Variants in PPP2R1A observed in about 807,000 individuals in gnomAD.
The protein encoded by PPP2R1A is serine/threonine-protein phosphatase 2A 65 kDa regulatory subunit A alpha isoform.
PPP2R1A carries 15 observed loss-of-function variants against 67.1 expected under a neutral mutation model. The ratio of observed to expected loss-of-function variants is 0.22; its 90% CI spans 0.15 to 0.34. PPP2R1A has a LOEUF of 0.34. Among genes scored for constraint, PPP2R1A ranks in the 10% least tolerant of loss-of-function variants. PPP2R1A has a pLI of 1.00. For synonymous variants in PPP2R1A, 337 were observed against 325.0 expected, an observed-to-expected ratio of 1.04 and a Z score of -0.40; for missense variants, 369 against 775.0, an observed-to-expected ratio of 0.48 and a Z score of 6.22.
chr19:52,198,317 T>C (rs1216796885), intron 1 of PPP2R1A, among the ~76,000 whole-genome samples: 1 of 152,154 alleles, frequency 6.6e-6, no homozygotes, highest in Non-Finnish European at 1.5e-5. Flanking sequence ...ACACTTTTAA[T>C]GAAACCAAAA....
chr19:52,213,097 A>G lies in PPP2R1A; in HGVS notation c.794A>G (p.Asp265Gly), dbSNP rs2122339046. 4 of 1,578,012 alleles carry G rather than the reference A, an allele frequency of 2.5e-6. No homozygotes were observed. The highest frequency in any genetic ancestry group is 3.4e-6 in the Non-Finnish European group (4 of 1,167,326). ...KSWRVRYMVA[D>G]KFTELQKAVG... is the part of the protein sequence containing the mutation. Reference sequence around the variant, plus strand: ...TGGCGCGTCCGCTACATGGTGGCTGACAAGTTCACAGAGGTAGATGAGCGA... The same window carrying G: ...TGGCGCGTCCGCTACATGGTGGCTGGCAAGTTCACAGAGGTAGATGAGCGA... The change falls in exon 6 of 15, where the codon GAC becomes GGC. Residue 265 changes from aspartate to glycine, a missense_variant. Coordinates refer to ENST00000322088, the MANE Select transcript of PPP2R1A (RefSeq NM_014225.6). The surrounding 1 kb of genome is among the most constrained non-coding windows in gnomAD (Gnocchi z 4.2).
At position 52,216,116 on chromosome 19, in the gene PPP2R1A, C is replaced by A; in HGVS notation, c.993+42C>A. On this transcript the variant is annotated intron_variant, in intron 8 of 14. Coordinates refer to ENST00000322088, the MANE Select transcript of PPP2R1A (RefSeq NM_014225.6). This position sits in a 1 kb window ranked among gnomAD's most constrained non-coding sequence, Gnocchi z 4.3. ...TGGGAGGAACCAAGTGGATCCGAGC[C>A]TGCCAAAAAGAGGGGCTGGAGACAA... 1 of 1,581,446 alleles carries A rather than the reference C, an allele frequency of 6.3e-7. No homozygotes were observed. Among genetic ancestry groups the A allele is most frequent in the Non-Finnish European group, 8.7e-7 (1 of 1,150,826 alleles).
At chr19:52,199,609 G>A (rs772702712) in intron 1 of PPP2R1A, among the ~76,000 whole-genome samples, 3 of 152,210 alleles carry the variant, frequency 2.0e-5, no homozygotes, top group Non-Finnish European at 4.4e-5. Flanking sequence ...ACACAGCTAT[G>A]CCTGTTTGCT....
Position 52,219,600 on chromosome 19 carries a change from C to G in PPP2R1A, c.1129-91C>G. On this transcript the variant is annotated intron_variant, in intron 9 of 14. Transcript: ENST00000322088. This position sits in a 1 kb window ranked among gnomAD's most constrained non-coding sequence, Gnocchi z 4.0. The stretch of plus-strand genomic sequence containing the variant: ...CAGGAGTAGTCCCTCGGGAGATGTC[C>G]ATAAAAGTTGATGCAGCTGAGCTCT... The G allele has an allele frequency of 7.4e-7, 1 of 1,353,904 alleles. No homozygotes were observed. The highest frequency in any genetic ancestry group is 1.0e-6 in the Non-Finnish European group (1 of 987,020). The allele number at this position is 1,353,904 out of a possible 1,614,324, so 83.9% of individuals were successfully genotyped here.
chr19:52,225,673 A>G, intron 13 of PPP2R1A, 44 bp from the exon 14 acceptor site: 1 of 1,584,300 alleles, frequency 6.3e-7, no homozygotes, highest in Non-Finnish European at 8.7e-7. Flanking sequence ...GCCCCAGTCC[A>G]TCCTGGCTCA....
At chr19:52,200,631 G>A (rs777033288) in intron 1 of PPP2R1A, among the ~76,000 whole-genome samples, 4 of 152,178 alleles carry the variant, frequency 2.6e-5, no homozygotes, top group Admixed American at 6.5e-5. Flanking sequence ...AGTTCTGGAG[G>A]CCGGAAGTCT....
At chr19:52,194,088 C>CAAAAAAAAAAA (rs915576804) in intron 1 of PPP2R1A, among the ~76,000 whole-genome samples, 109 of 60,296 alleles carry the variant, frequency 1.8e-3, no homozygotes, top group Non-Finnish European at 2.3e-3. Flanking sequence ...ACCCTGTCTC[C>CAAAAAAAAAAA]AAAAAAAAAA....
At chr19:52,192,525 G>T (rs1014862220) in intron 1 of PPP2R1A, among the ~76,000 whole-genome samples, 1 of 151,974 alleles carries the variant, frequency 6.6e-6, no homozygotes. Flanking sequence ...TGTTGGCCAG[G>T]CTGGTCTCAG....
chr19:52,225,613 A>G lies in PPP2R1A; in HGVS notation c.1662-104A>G, dbSNP rs112479469. 1,584 of 1,008,566 alleles carry G rather than the reference A, an allele frequency of 1.6e-3. 15 individuals are homozygous for G. The African/African-American group carries it at 0.021, about 14-fold the overall frequency. 62.5% of individuals were successfully genotyped at this position (1,008,566 alleles called of 1,614,324 possible). A position where few individuals can be genotyped will look rare whatever the true frequency, so the allele number is the denominator to read the frequency against. On this transcript the variant is annotated intron_variant, in intron 13 of 14. Transcript: ENST00000322088. ...ACTCCTCCCACCTTGGGTTTGGTGTATCCGTGTCTGTGTACACTCTCTTGC... is the reference window on the plus strand; with the variant it reads ...ACTCCTCCCACCTTGGGTTTGGTGTGTCCGTGTCTGTGTACACTCTCTTGC...
intron 1 of PPP2R1A, among the ~76,000 whole-genome samples, chr19:52,200,614 C>A (rs1366803393): frequency 6.6e-6 from 1 of 152,198 alleles, no homozygotes; most frequent in African/African-American, 2.4e-5. Flanking sequence ...CGAATTTATT[C>A]TCTCACAGTT....
At chr19:52,209,445 T>C (rs1349898805) in intron 3 of PPP2R1A, among the ~76,000 whole-genome samples, 7 of 152,230 alleles carry the variant, frequency 4.6e-5, no homozygotes, top group African/African-American at 1.4e-4. Flanking sequence ...ATTACATTTT[T>C]CCTTTGAATC....
rs927428064 is a variant in PPP2R1A, at chr19:52,213,154, G to C, written c.807+44G>C. On this transcript the variant is annotated intron_variant, in intron 6 of 14. Coordinates refer to ENST00000322088, the MANE Select transcript of PPP2R1A (RefSeq NM_014225.6). The surrounding 1 kb of genome is among the most constrained non-coding windows in gnomAD (Gnocchi z 4.2). ...ACATTGTCCCACTGGTGGGGACACT[G>C]ACACTCTCAGAAGGGAAGCATATAG... is the stretch of plus-strand genomic sequence containing the variant. The C allele has an allele frequency of 6.6e-7, 1 of 1,508,466 alleles. No homozygotes were observed. Among genetic ancestry groups the C allele is most frequent in the Non-Finnish European group, 8.8e-7 (1 of 1,135,626 alleles). 93.4% of individuals were successfully genotyped at this position (1,508,466 alleles called of 1,614,324 possible).
At chr19:52,207,976 A>G (rs1392613643) in intron 3 of PPP2R1A, among the ~76,000 whole-genome samples, 1 of 152,068 alleles carries the variant, frequency 6.6e-6, no homozygotes, top group Non-Finnish European at 1.5e-5. Flanking sequence ...GTTAACCTGG[A>G]TTTTGACAGG....
At chr19:52,192,161 A>G (rs1388887173) in intron 1 of PPP2R1A, among the ~76,000 whole-genome samples, 1 of 152,128 alleles carries the variant, frequency 6.6e-6, no homozygotes, top group Non-Finnish European at 1.5e-5. Context: ...GGGCACAGCA[A>G]GTACAAAGTG....
intron 1 of PPP2R1A, among the ~76,000 whole-genome samples, chr19:52,190,451 G>GCTGGGGTCTGCGGA (rs1461162645): frequency 6.6e-6 from 1 of 152,234 alleles, no homozygotes; most frequent in Non-Finnish European, 1.5e-5. Flanking sequence ...TGTGGCCAGG[G>GCTGGGGTCTGCGGA]CTGGGGTCTG....
Position 52,225,144 on chromosome 19 carries a change from A to T in PPP2R1A, c.1662-573A>T, listed in dbSNP as rs1047280144. Among the ~76,000 whole-genome samples, 110 of 150,010 alleles carry T rather than the reference A, an allele frequency of 7.3e-4. 1 individual carries two copies. The highest frequency in any genetic ancestry group is 3.4e-4 in the Non-Finnish European group (23 of 67,742). ...GCAATTCTCCTGCCTCAGCCTCCCA[A>T]GTAGCTGGGATCACAGGCGTGCACC... On this transcript the variant is annotated intron_variant, in intron 13 of 14. Coordinates refer to ENST00000322088, the MANE Select transcript of PPP2R1A (RefSeq NM_014225.6).
intron 1 of PPP2R1A, among the ~76,000 whole-genome samples, chr19:52,192,138 G>A (rs970809071): frequency 1.3e-5 from 2 of 151,990 alleles, no homozygotes; most frequent in African/African-American, 2.4e-5. Flanking sequence ...TTGAGAACAC[G>A]CCTGAAAGCA....
intron 13 of PPP2R1A, among the ~76,000 whole-genome samples, chr19:52,222,606 A>G (rs1291583548): frequency 6.6e-6 from 1 of 152,250 alleles, no homozygotes; most frequent in Non-Finnish European, 1.5e-5. Context: ...TGTAAACTGT[A>G]AAACACTAAT....
intron 2 of PPP2R1A, among the ~76,000 whole-genome samples, chr19:52,202,326 A>C (rs757871159): frequency 1.6e-4 from 24 of 152,332 alleles, no homozygotes; most frequent in Admixed American, 5.2e-4. Context: ...CCTGTTTCTT[A>C]TATTTTTCAT....
Sources: gnomAD v4.1 joint callset for allele counts (sites outside exome capture counted in the v4.1 genomes callset) on GRCh38, gnomAD v4.1.1 for gene constraint, Gnocchi (gnomAD v3.1) non-coding constraint, MANE v1.5 for transcripts, NCBI Gene and HGNC (gene_info 2026-07-23, HGNC 2026-07-21) for gene names.